Variants in ROR1 observed in about 807,000 individuals in gnomAD.
ROR1 encodes inactive tyrosine-protein kinase transmembrane receptor ROR1.
In ROR1, 19 loss-of-function variants were observed where a neutral mutation model predicts 78.8. That is an observed-to-expected ratio of 0.24 (90% CI 0.17 to 0.35). The LOEUF (loss-of-function observed/expected upper bound fraction) is 0.35, where lower values mean the gene tolerates loss of function less well. Ranked by LOEUF, ROR1 falls within the 10% of genes least tolerant of loss-of-function variation. The probability of loss-of-function intolerance (pLI) is 1.00; values close to 1 mark genes in which losing one functional copy is unlikely to be tolerated. For synonymous variants in ROR1, 386 were observed against 433.6 expected (o/e 0.89, Z 1.36); for missense variants, 917 against 1,177.8 (o/e 0.78, Z 3.24).
chr1:64,167,237 T>G (rs1650112272), intron 8 of ROR1, among the ~76,000 whole-genome samples: 1 of 152,188 alleles, frequency 6.6e-6, no homozygotes, highest in African/African-American at 2.4e-5. Flanking sequence ...ATTACTGGCA[T>G]CTGTTCTGTC....
At chr1:63,812,146 G>A (rs758923840) in intron 1 of ROR1, among the ~76,000 whole-genome samples, 1 of 152,022 alleles carries the variant, frequency 6.6e-6, no homozygotes, top group Middle Eastern at 3.2e-3. Flanking sequence ...ATCTTTAGTA[G>A]AGACAGGATT....
At chr1:63,955,921 A>G (rs928343507) in intron 1 of ROR1, among the ~76,000 whole-genome samples, 1 of 152,104 alleles carries the variant, frequency 6.6e-6, no homozygotes, top group Non-Finnish European at 1.5e-5. Context: ...CGTGACCCAT[A>G]ATTATCTCTG....
intron 4 of ROR1, among the ~76,000 whole-genome samples, chr1:64,096,630 T>G (rs1026739886): frequency 6.6e-6 from 1 of 152,200 alleles, no homozygotes; most frequent in African/African-American, 2.4e-5. Flanking sequence ...ACATTTTCTT[T>G]GTCCAGTCTA....
At chr1:64,113,003 G>A (rs796557914) in intron 4 of ROR1, among the ~76,000 whole-genome samples, 8 of 152,226 alleles carry the variant, frequency 5.3e-5, no homozygotes, top group African/African-American at 1.9e-4. Context: ...ATAGATGAAA[G>A]AATGCATAAT....
At chr1:63,883,687 C>T (rs1012041965) in intron 1 of ROR1, among the ~76,000 whole-genome samples, 1 of 152,166 alleles carries the variant, frequency 6.6e-6, no homozygotes, top group Non-Finnish European at 1.5e-5. Flanking sequence ...CTCCATAACC[C>T]ATGTTGTTGT....
At chr1:63,918,209 C>T (rs1006574474) in intron 1 of ROR1, among the ~76,000 whole-genome samples, 2 of 152,230 alleles carry the variant, frequency 1.3e-5, no homozygotes, top group African/African-American at 4.8e-5. Context: ...CCATGTTGTA[C>T]TTTCTGCCAA....
intron 1 of ROR1, among the ~76,000 whole-genome samples, chr1:64,002,248 C>T (rs983921208): frequency 1.3e-5 from 2 of 151,736 alleles, no homozygotes; most frequent in African/African-American, 4.8e-5. Context: ...ATTCTCCTGC[C>T]TCAGCCTCCC....
chr1:63,815,478 CT>C (rs1446331528), intron 1 of ROR1, among the ~76,000 whole-genome samples: 2 of 103,468 alleles, frequency 1.9e-5, no homozygotes, highest in South Asian at 3.0e-4. Flanking sequence ...CTTTTCTTTT[CT>C]TTTTCTTTTT....
At chr1:63,867,834 A>C (rs77191469) in intron 1 of ROR1, among the ~76,000 whole-genome samples, 2,083 of 152,356 alleles carry the variant, frequency 0.014, 59 homozygotes, top group African/African-American at 0.048. Context: ...GGCAGGGGCC[A>C]AATATCCCAC....
At chr1:63,890,317 T>C (rs944756346) in intron 1 of ROR1, among the ~76,000 whole-genome samples, 1 of 151,710 alleles carries the variant, frequency 6.6e-6, no homozygotes, top group African/African-American at 2.4e-5. Flanking sequence ...TTCTTATTAA[T>C]TTGCTAATCT....
At chr1:64,091,343 C>A (rs1382340864) in intron 4 of ROR1, among the ~76,000 whole-genome samples, 2 of 152,118 alleles carry the variant, frequency 1.3e-5, no homozygotes, top group African/African-American at 4.8e-5. Context: ...TTCACATTAA[C>A]AAATCTAAAC....
chr1:63,907,683 G>A (rs935138132), intron 1 of ROR1, among the ~76,000 whole-genome samples: 1 of 152,182 alleles, frequency 6.6e-6, no homozygotes, highest in Non-Finnish European at 1.5e-5. Context: ...CTAGCAGTGT[G>A]CAAGGTTGCC....
intron 4 of ROR1, among the ~76,000 whole-genome samples, chr1:64,078,896 A>C (rs1276991488): frequency 6.6e-6 from 1 of 152,176 alleles, no homozygotes; most frequent in Non-Finnish European, 1.5e-5. Flanking sequence ...ATTGTTGAGT[A>C]CGATGATGAG....
intron 4 of ROR1, among the ~76,000 whole-genome samples, chr1:64,066,990 C>T (rs1485329006): frequency 6.6e-6 from 1 of 151,712 alleles, no homozygotes; most frequent in East Asian, 1.9e-4. Flanking sequence ...TCTAAGTCTT[C>T]AAACTCCAGT....
chr1:64,144,307 G>A (rs1207587604), intron 7 of ROR1, among the ~76,000 whole-genome samples: 1 of 152,154 alleles, frequency 6.6e-6, no homozygotes, highest in East Asian at 1.9e-4. Flanking sequence ...TACTGAGGAG[G>A]CAGTTTTATA....
chr1:64,152,981 CAAATGTTTTGCTAAAGTTT>C (rs1187077212), intron 7 of ROR1, among the ~76,000 whole-genome samples: 1 of 152,090 alleles, frequency 6.6e-6, no homozygotes. Flanking sequence ...GTCATTTGAT[CAAATGTTTTGCTAAAGTTT>C]AAATGTGCTT....
intron 1 of ROR1, among the ~76,000 whole-genome samples, chr1:63,906,262 A>G (rs182860336): frequency 3.3e-5 from 5 of 151,360 alleles, no homozygotes; most frequent in African/African-American, 7.2e-5. Context: ...CCGAAGTCCT[A>G]TGCTTTGGTA....
chr1:63,975,401 G>A (rs993208190), intron 1 of ROR1, among the ~76,000 whole-genome samples: 2 of 152,102 alleles, frequency 1.3e-5, no homozygotes, highest in African/African-American at 4.8e-5. Flanking sequence ...CTTAGAAATA[G>A]CAATGAAACC....
chr1:64,006,650 C>T (rs1646430023), intron 1 of ROR1, among the ~76,000 whole-genome samples: 1 of 152,186 alleles, frequency 6.6e-6, no homozygotes, highest in African/African-American at 2.4e-5. Flanking sequence ...AAGATCCCTG[C>T]CATACTGCCT....
Sources: allele counts gnomAD v4.1 joint callset (sites outside exome capture counted in the v4.1 genomes callset), GRCh38; gene constraint gnomAD v4.1.1; transcripts MANE v1.5; gene names NCBI Gene and HGNC (gene_info 2026-07-23, HGNC 2026-07-21).